PNO1: variants seen among roughly 807,000 people sequenced by gnomAD.
The protein encoded by PNO1 is partner of NOB1 homolog.
PNO1 carries 16 observed loss-of-function variants against 28.4 expected under a neutral mutation model. The ratio of observed to expected loss-of-function variants is 0.56; its 90% CI spans 0.38 to 0.85. PNO1 has a LOEUF of 0.85. Among genes scored for constraint, PNO1 ranks in the 40% least tolerant of loss-of-function variants. The pLI is 0.00. For missense variants in PNO1, 304 were observed against 312.2 expected (o/e 0.97, Z 0.20); for synonymous variants, 115 against 110.8 (o/e 1.04, Z -0.24).
Position 68,158,757 on chromosome 2 carries a change from CTCT to C in PNO1, c.357+235_357+237del, listed in dbSNP as rs1371403375. ...TTCTGAGATCACACCAAAATACTGG[CTCT>C]TCTTCTGTGTATCTTTTATAATGTT... On this transcript the variant is annotated intron_variant, in intron 2 of 6. Transcript: ENST00000263657. Among the ~76,000 whole-genome samples, 5 of 152,316 alleles carry C rather than the reference CTCT, an allele frequency of 3.3e-5. No individual in the cohort carries two copies. In the East Asian group the frequency reaches 7.7e-4, roughly 24 times the overall value.
rs1447727428 is a variant in PNO1, at chr2:68,175,366, C to G, written c.*564C>G. On this transcript the variant is annotated 3_prime_UTR_variant, in exon 7 of 7. Coordinates refer to ENST00000263657, the MANE Select transcript of PNO1 (RefSeq NM_020143.4). ...CCTCTGCCTCCTGAGTTCAAGTGAT[C>G]CTCCTGCTTCAGCCTCCCTAGTAGC... The G allele has an allele frequency of 6.6e-6, 1 of 152,314 alleles. No homozygotes were observed. The highest frequency in any genetic ancestry group is 1.5e-5 in the Non-Finnish European group (1 of 68,206). 9.4% of individuals were successfully genotyped at this position (152,314 alleles called of 1,614,324 possible).
intron 5 of PNO1, among the ~76,000 whole-genome samples, chr2:68,166,458 G>A (rs921057908): frequency 5.9e-5 from 9 of 152,154 alleles, no homozygotes; most frequent in African/African-American, 2.2e-4. Flanking sequence ...AGTGGAAGTG[G>A]GTTATCATAA....
intron 5 of PNO1, among the ~76,000 whole-genome samples, chr2:68,166,810 C>A (rs919547365): frequency 1.3e-5 from 2 of 152,230 alleles, no homozygotes; most frequent in Non-Finnish European, 2.9e-5. Context: ...TCTACATCAT[C>A]TTCCTCATCA....
intron 2 of PNO1, among the ~76,000 whole-genome samples, chr2:68,159,968 T>G (rs1272122342): frequency 6.8e-6 from 1 of 147,338 alleles, no homozygotes; most frequent in East Asian, 1.9e-4. Flanking sequence ...AAAAAAATTT[T>G]TTTTTTTTTT....
chr2:68,166,873 C>T (rs1283799803), intron 5 of PNO1, among the ~76,000 whole-genome samples: 1 of 152,224 alleles, frequency 6.6e-6, no homozygotes, highest in Middle Eastern at 3.2e-3. Flanking sequence ...TCTGTTAATT[C>T]CTCTGGCATA....
chr2:68,164,720 C>A (rs1673930465), intron 5 of PNO1, among the ~76,000 whole-genome samples: 2 of 152,108 alleles, frequency 1.3e-5, no homozygotes, highest in South Asian at 4.1e-4. Context: ...TTGCTTGAAC[C>A]AAGGATGTCA....
intron 2 of PNO1, 103 bp downstream of exon 2, chr2:68,158,632 G>A (rs1453541696): frequency 3.8e-6 from 4 of 1,045,924 alleles, no homozygotes; most frequent in Non-Finnish European, 5.4e-6. Context: ...CTGTTGTATG[G>A]TTTTTGTCCA....
At chr2:68,170,120 T>C (rs908843470) in intron 5 of PNO1, among the ~76,000 whole-genome samples, 2 of 152,262 alleles carry the variant, frequency 1.3e-5, no homozygotes, top group Admixed American at 1.3e-4. Flanking sequence ...TAACAGTTTA[T>C]ATTAATTATA....
chr2:68,163,329 C>T (rs1351777763), intron 5 of PNO1, among the ~76,000 whole-genome samples: 3 of 151,874 alleles, frequency 2.0e-5, no homozygotes, highest in Non-Finnish European at 2.9e-5. Context: ...GTCAGGAGTT[C>T]GAGACCAGTC....
Position 68,162,340 on chromosome 2 carries a change from G to T in PNO1, c.502+15G>T, listed in dbSNP as rs763492225. On this transcript the variant is annotated intron_variant, in intron 4 of 6. Transcript: ENST00000263657. ...AATTACAGATGGTGAGTGTGTGTTGGTCTGCGCTCTTGTGTCGCTGACTTT... is the reference window on the plus strand; with the variant it reads ...AATTACAGATGGTGAGTGTGTGTTGTTCTGCGCTCTTGTGTCGCTGACTTT... 1.3e-6 allele frequency: 2 copies of T among 1,588,332 alleles called. No individual in the cohort carries two copies. Among genetic ancestry groups the T allele is most frequent in the Non-Finnish European group, 8.6e-7 (1 of 1,163,756 alleles).
intron 5 of PNO1, 49 bp downstream of exon 5, chr2:68,162,712 T>C: frequency 8.3e-7 from 1 of 1,207,168 alleles, no homozygotes; most frequent in Non-Finnish European, 1.2e-6. Flanking sequence ...ATATTTGATC[T>C]TTTGTTTTAA....
At chr2:68,159,130 T>A (rs1029588219) in intron 2 of PNO1, among the ~76,000 whole-genome samples, 2 of 152,214 alleles carry the variant, frequency 1.3e-5, no homozygotes, top group African/African-American at 4.8e-5. Context: ...TATACTGTTA[T>A]GAGACCACCA....
intron 5 of PNO1, among the ~76,000 whole-genome samples, chr2:68,166,724 C>T (rs1313128597): frequency 1.3e-5 from 2 of 152,326 alleles, no homozygotes; most frequent in East Asian, 3.9e-4. Context: ...TCATAAAAGA[C>T]GTCAAAAGCA....
At chr2:68,158,350 C>T (rs1673727541) in intron 1 of PNO1, 30 bp from the exon 2 acceptor site, 2 of 1,596,606 alleles carry the variant, frequency 1.3e-6, no homozygotes, top group Non-Finnish European at 1.7e-6. Flanking sequence ...CCTCCATAGC[C>T]TTCTGAGTTG....
rs1674248443 is a variant in PNO1, at chr2:68,175,325, T to C, written c.*523T>C. Reference sequence around the variant, plus strand: ...CCCAGGCTAGAGTGCAGTGGTGCAATCTCAGCTCACTGCAGCCTCTGCCTC... The same window carrying C: ...CCCAGGCTAGAGTGCAGTGGTGCAACCTCAGCTCACTGCAGCCTCTGCCTC... On this transcript the variant is annotated 3_prime_UTR_variant, in exon 7 of 7. Coordinates refer to ENST00000263657, the MANE Select transcript of PNO1 (RefSeq NM_020143.4). 2 of 152,338 alleles carry C rather than the reference T, an allele frequency of 1.3e-5. 1 individual carries two copies. Among genetic ancestry groups the C allele is most frequent in the South Asian group, 4.1e-4 (2 of 4,826 alleles). 9.4% of individuals were successfully genotyped at this position (152,338 alleles called of 1,614,324 possible).
intron 5 of PNO1, chr2:68,173,142 C>T (rs1674176800): frequency 1.6e-5 from 4 of 252,990 alleles, no homozygotes; most frequent in Non-Finnish European, 2.9e-5. Flanking sequence ...CTCAGGTTGG[C>T]ATGTTGCACT....
intron 5 of PNO1, among the ~76,000 whole-genome samples, chr2:68,164,882 T>G (rs1057145297): frequency 1.3e-5 from 2 of 152,212 alleles, no homozygotes; most frequent in Admixed American, 1.3e-4. Context: ...AAACCTGTTG[T>G]AAATTAATGA....
At chr2:68,158,261 G>A (rs910861102) in intron 1 of PNO1, 119 bp from the exon 2 acceptor site, 1 of 1,367,626 alleles carries the variant, frequency 7.3e-7, no homozygotes, top group South Asian at 1.4e-5. Context: ...TCAGAGAGAA[G>A]TGATTCTTTG....
rs1450855362 is a variant in PNO1 at position 68,167,456 on chromosome 2, A to G, written c.620+4793A>G. Among the ~76,000 whole-genome samples, 4 of 152,224 alleles carry G rather than the reference A, an allele frequency of 2.6e-5. No homozygotes were observed. The East Asian group carries it at 7.7e-4, about 29-fold the overall frequency. On this transcript the variant is annotated intron_variant, in intron 5 of 6. Transcript: ENST00000263657. Reference sequence around the variant, plus strand: ...TTCTTGTACATCCAGAAGACAGGCCACTGGTGTTTACCTTTTCCCTTCAAG... The same window carrying G: ...TTCTTGTACATCCAGAAGACAGGCCGCTGGTGTTTACCTTTTCCCTTCAAG...
Sources: allele counts gnomAD v4.1 joint callset (sites outside exome capture counted in the v4.1 genomes callset), GRCh38; gene constraint gnomAD v4.1.1; transcripts MANE v1.5; gene names NCBI Gene and HGNC (gene_info 2026-07-23, HGNC 2026-07-21).